The following LRRC7 variants were observed in gnomAD, a reference collection of about 807,000 sequenced individuals.
LRRC7 encodes leucine rich repeat containing 7, also known as leucine-rich repeat-containing protein 7.
In LRRC7, 23 loss-of-function variants were observed where a neutral mutation model predicts 175.7. The observed-to-expected ratio is 0.13, with a 90% CI of 0.09 to 0.19. The LOEUF is 0.19. Among genes scored for constraint, LRRC7 ranks in the 10% least tolerant of loss-of-function variants. The pLI, the probability that LRRC7 is intolerant of heterozygous loss-of-function variation, is 1.00. For missense variants in LRRC7, 1,354 were observed against 1,904.7 expected (o/e 0.71, Z 5.38); for synonymous variants, 685 against 680.9 (o/e 1.01, Z -0.09).
At chr1:69,889,613 C>A (rs960247169) in intron 7 of LRRC7, among the ~76,000 whole-genome samples, 2 of 152,146 alleles carry the variant, frequency 1.3e-5, no homozygotes. Context: ...TCGCTATCAA[C>A]CTGGGCAACA....
At chr1:69,919,630 G>C (rs976474631) in intron 7 of LRRC7, 20 of 854,028 alleles carry the variant, frequency 2.3e-5, no homozygotes, top group Non-Finnish European at 3.4e-5. Flanking sequence ...GCTACATCCA[G>C]AAGATCAAGG....
At chr1:69,606,845 C>A (rs1487039518) in intron 1 of LRRC7, 1 of 151,950 alleles carries the variant, frequency 6.6e-6, no homozygotes, top group Admixed American at 6.6e-5. Flanking sequence ...TTAGAGTTTT[C>A]TTTTTATTAT....
rs186736255 is a variant in LRRC7 at position 70,137,495 on chromosome 1, T to G, written c.*15608T>G. Among the ~76,000 whole-genome samples, 22 of 152,334 alleles carry G rather than the reference T, an allele frequency of 1.4e-4. No individual in the cohort carries two copies. The highest frequency in any genetic ancestry group is 4.6e-4 in the Admixed American group (7 of 15,300). On this transcript the variant is annotated 3_prime_UTR_variant, in exon 27 of 27. Coordinates refer to ENST00000651989, the MANE Select transcript of LRRC7 (RefSeq NM_001370785.2). ...TGGTGGACTTGCATATCTTTAACAC[T>G]TATCATGTACCTACATACAAGGAAA...
chr1:69,980,900 A>G (rs752890207), intron 9 of LRRC7, among the ~76,000 whole-genome samples: 1 of 152,180 alleles, frequency 6.6e-6, no homozygotes, highest in Non-Finnish European at 1.5e-5. Flanking sequence ...GTGATTTTCA[A>G]TAGAACCCAT....
intron 3 of LRRC7, among the ~76,000 whole-genome samples, chr1:69,781,983 ATGGCTTTGTACCCACACAG>A: frequency 6.6e-6 from 1 of 152,000 alleles, no homozygotes; most frequent in East Asian, 1.9e-4. Context: ...AGAAAGAGAA[ATGGCTTTGTACCCACACAG>A]AACTGATTTT....
intron 22 of LRRC7, among the ~76,000 whole-genome samples, chr1:70,046,188 A>G (rs541516678): frequency 6.6e-6 from 1 of 152,248 alleles, no homozygotes; most frequent in South Asian, 2.1e-4. Context: ...TATATACAGT[A>G]TCTGAAAATG....
rs550226704 is a variant in LRRC7 at position 70,129,656 on chromosome 1, A to C, written c.*7769A>C. The stretch of plus-strand genomic sequence containing the variant: ...GTTAGAATGACCCACTCCGAAATGC[A>C]AGGAGTTGAACAATCATTCAGCTGG... On this transcript the variant is annotated 3_prime_UTR_variant, in exon 27 of 27. Transcript: ENST00000651989. Among the ~76,000 whole-genome samples, 2 of 152,314 alleles carry C rather than the reference A, an allele frequency of 1.3e-5. No individual in the cohort carries two copies. Among genetic ancestry groups the C allele is most frequent in the East Asian group, 1.9e-4 (1 of 5,176 alleles).
At chr1:69,749,935 C>T (rs1228853393) in intron 2 of LRRC7, among the ~76,000 whole-genome samples, 1 of 151,958 alleles carries the variant, frequency 6.6e-6, no homozygotes, top group East Asian at 1.9e-4. Flanking sequence ...GTGGCATGTG[C>T]CTGTAGTCCC....
In LRRC7 at chr1:70,138,825, T is replaced by C. The variant is rs1372368466; in HGVS notation, c.*16938T>C. On this transcript the variant is annotated 3_prime_UTR_variant, in exon 27 of 27. Coordinates refer to ENST00000651989, the MANE Select transcript of LRRC7 (RefSeq NM_001370785.2). ...GCCAGGTCACAGAAAAAGCTAATCA[T>C]TTTTAGTTTAATCCTGACCAGCTAG... 2 of 152,106 alleles carry C rather than the reference T, an allele frequency of 1.3e-5. No individual in the cohort carries two copies. The highest frequency in any genetic ancestry group is 2.9e-5 in the Non-Finnish European group (2 of 67,992). 9.4% of individuals were successfully genotyped at this position (152,106 alleles called of 1,614,324 possible). A position where few individuals can be genotyped will look rare whatever the true frequency, so the allele number is the denominator to read the frequency against.
intron 4 of LRRC7, among the ~76,000 whole-genome samples, chr1:69,804,438 A>G (rs1179397892): frequency 6.6e-6 from 1 of 151,404 alleles, no homozygotes; most frequent in Admixed American, 6.6e-5. Context: ...AAAACACCTA[A>G]TGAGCTGGAA....
At chr1:69,734,885 G>A (rs955528580) in intron 2 of LRRC7, among the ~76,000 whole-genome samples, 1 of 151,700 alleles carries the variant, frequency 6.6e-6, no homozygotes, top group Non-Finnish European at 1.5e-5. Context: ...TAGATAAATA[G>A]CATGTTTATT....
chr1:69,682,861 C>T (rs988368765), intron 2 of LRRC7, among the ~76,000 whole-genome samples: 3 of 152,268 alleles, frequency 2.0e-5, no homozygotes, highest in East Asian at 1.9e-4. Context: ...TCAACTTTCT[C>T]TTTTCAGCCA....
At chr1:69,805,434 T>C (rs1438554068) in intron 4 of LRRC7, among the ~76,000 whole-genome samples, 2 of 151,868 alleles carry the variant, frequency 1.3e-5, no homozygotes, top group Non-Finnish European at 2.9e-5. Context: ...AATGGTACCA[T>C]GCAATTGTTC....
intron 7 of LRRC7, chr1:69,919,662 C>G: frequency 1.1e-6 from 1 of 933,928 alleles, no homozygotes. Context: ...GACTTTGAGT[C>G]TCCGGCCTCA....
At chr1:69,618,578 G>T (rs527307976) in intron 1 of LRRC7, among the ~76,000 whole-genome samples, 51 of 152,146 alleles carry the variant, frequency 3.4e-4, no homozygotes, top group African/African-American at 1.2e-3. Flanking sequence ...ATCCTTTATT[G>T]CAAGAAGCCT....
chr1:69,633,150 T>C (rs911380006), intron 1 of LRRC7, among the ~76,000 whole-genome samples: 2 of 151,988 alleles, frequency 1.3e-5, no homozygotes, highest in Non-Finnish European at 2.9e-5. Flanking sequence ...AAATCAACAA[T>C]AATATAATAT....
chr1:69,845,319 T>C (rs1682229676), intron 7 of LRRC7, among the ~76,000 whole-genome samples: 1 of 152,146 alleles, frequency 6.6e-6, no homozygotes. Context: ...TCTATCCGTA[T>C]GTGACTAATA....
intron 1 of LRRC7, among the ~76,000 whole-genome samples, chr1:69,599,145 A>AAG (rs1203131549): frequency 6.6e-6 from 1 of 151,496 alleles, no homozygotes; most frequent in African/African-American, 2.5e-5. Context: ...TACAATAAAA[A>AAG]AAAAAGGGCC....
At chr1:69,971,910 G>T (rs1652274218) in intron 8 of LRRC7, among the ~76,000 whole-genome samples, 1 of 152,126 alleles carries the variant, frequency 6.6e-6, no homozygotes, top group Admixed American at 6.5e-5. Flanking sequence ...AATGGTACTG[G>T]CATAAAAATA....
Sources: allele counts gnomAD v4.1 joint callset (sites outside exome capture counted in the v4.1 genomes callset), GRCh38; gene constraint gnomAD v4.1.1; transcripts MANE v1.5; gene names NCBI Gene and HGNC (gene_info 2026-07-23, HGNC 2026-07-21).